The following NEDD4L variants were observed in gnomAD, a reference collection of about 807,000 sequenced individuals.
NEDD4L encodes E3 ubiquitin-protein ligase NEDD4-like.
Under a neutral mutation model 148.9 loss-of-function variants are expected in NEDD4L, and 54 were observed. The ratio of observed to expected loss-of-function variants is 0.36; its 90% CI spans 0.29 to 0.45. NEDD4L has a LOEUF of 0.45. Among genes scored for constraint, NEDD4L ranks in the 20% least tolerant of loss-of-function variants. The probability of loss-of-function intolerance (pLI) is 1.00; values close to 1 mark genes in which losing one functional copy is unlikely to be tolerated. For synonymous variants in NEDD4L, 433 were observed against 440.7 expected, an observed-to-expected ratio of 0.98 and a Z score of 0.22; for missense variants, 856 against 1,233.8, an observed-to-expected ratio of 0.69 and a Z score of 4.59.
At chr18:58,240,895 C>A (rs1405914317) in intron 2 of NEDD4L, among the ~76,000 whole-genome samples, 2 of 152,054 alleles carry the variant, frequency 1.3e-5, no homozygotes, top group Non-Finnish European at 2.9e-5. Context: ...CTGCAACCTC[C>A]CCCTCCTGGA....
At chr18:58,164,691 G>A (rs1052910760) in intron 1 of NEDD4L, among the ~76,000 whole-genome samples, 3 of 152,116 alleles carry the variant, frequency 2.0e-5, no homozygotes, top group Admixed American at 1.3e-4. Context: ...GGCTGGTCTC[G>A]AACTCCTGTC....
At chr18:58,150,469 G>A (rs1017019241) in intron 1 of NEDD4L, among the ~76,000 whole-genome samples, 11 of 152,164 alleles carry the variant, frequency 7.2e-5, no homozygotes, top group Admixed American at 1.3e-4. Flanking sequence ...CAGGTGATCC[G>A]CCTGCCTTGG....
At chr18:58,238,510 A>T (rs1411175876) in intron 2 of NEDD4L, among the ~76,000 whole-genome samples, 2 of 152,218 alleles carry the variant, frequency 1.3e-5, no homozygotes. Context: ...AGAGAGAATG[A>T]CTATTAACAT....
At chr18:58,250,259 C>T (rs913520873) in intron 4 of NEDD4L, among the ~76,000 whole-genome samples, 3 of 152,082 alleles carry the variant, frequency 2.0e-5, no homozygotes, top group African/African-American at 7.2e-5. Flanking sequence ...AAGTGATTCT[C>T]CTGCCTCAAC....
intron 11 of NEDD4L, among the ~76,000 whole-genome samples, chr18:58,333,072 G>GTC (rs1194751858): frequency 6.6e-6 from 1 of 151,840 alleles, no homozygotes; most frequent in Non-Finnish European, 1.5e-5. Flanking sequence ...AGGTCAGGAG[G>GTC]TCGAGACCAG....
chr18:58,351,831 A>C (rs2043929191), intron 18 of NEDD4L, among the ~76,000 whole-genome samples: 3 of 152,208 alleles, frequency 2.0e-5, no homozygotes, highest in Admixed American at 2.0e-4. Context: ...TGGTTCATGA[A>C]CAGAAAGTTA....
At chr18:58,381,275 C>T (rs1388292610) in intron 24 of NEDD4L, among the ~76,000 whole-genome samples, 1 of 152,218 alleles carries the variant, frequency 6.6e-6, no homozygotes, top group Non-Finnish European at 1.5e-5. Flanking sequence ...CAGTTCTCTG[C>T]ACTCAGCAAC....
chr18:58,350,161 T>G (rs1456808535), intron 17 of NEDD4L, among the ~76,000 whole-genome samples: 1 of 152,186 alleles, frequency 6.6e-6, no homozygotes, highest in Non-Finnish European at 1.5e-5. Flanking sequence ...CAACTCACTC[T>G]CAGTTTGAAA....
rs1027919366 is a variant in NEDD4L, at chr18:58,387,580, C to A, written c.2547+82C>A. The A allele has an allele frequency of 2.6e-5, 35 of 1,355,420 alleles. No individual in the cohort carries two copies. In the Admixed American group the frequency reaches 8.9e-4, roughly 34 times the overall value. 84.0% of individuals were successfully genotyped at this position (1,355,420 alleles called of 1,614,324 possible). On this transcript the variant is annotated intron_variant, in intron 27 of 30. Coordinates refer to ENST00000400345, the MANE Select transcript of NEDD4L (RefSeq NM_001144967.3). ...ACTTTACAAGTAATATTTTAATATTCTTGGATCCATAATGTCCTAGAGAGT... is the reference window on the plus strand; with the variant it reads ...ACTTTACAAGTAATATTTTAATATTATTGGATCCATAATGTCCTAGAGAGT...
At chr18:58,219,040 A>C (rs542203684) in intron 2 of NEDD4L, among the ~76,000 whole-genome samples, 1 of 152,306 alleles carries the variant, frequency 6.6e-6, no homozygotes, top group East Asian at 1.9e-4. Flanking sequence ...AATTGAACTA[A>C]GACTTCCAGC....
intron 1 of NEDD4L, among the ~76,000 whole-genome samples, chr18:58,048,087 G>A (rs746873241): frequency 2.0e-5 from 3 of 152,098 alleles, no homozygotes; most frequent in South Asian, 2.1e-4. Flanking sequence ...GTACAAACAC[G>A]GATAGTTGGC....
intron 1 of NEDD4L, among the ~76,000 whole-genome samples, chr18:58,153,936 C>T (rs547471032): frequency 1.6e-4 from 24 of 152,260 alleles, no homozygotes; most frequent in African/African-American, 4.3e-4. Context: ...CGTGAGTCAC[C>T]GCACCCGGCC....
intron 13 of NEDD4L, among the ~76,000 whole-genome samples, chr18:58,336,339 A>T (rs2041756147): frequency 6.6e-6 from 1 of 152,152 alleles, no homozygotes; most frequent in Non-Finnish European, 1.5e-5. Flanking sequence ...GCACCTTGGG[A>T]GGCTGAGGCA....
In NEDD4L at chr18:58,351,061, T is replaced by C; in HGVS notation, c.1708+16T>C. The C allele has an allele frequency of 1.3e-6, 2 of 1,578,574 alleles. No individual in the cohort carries two copies. The highest frequency in any genetic ancestry group is 1.7e-6 in the Non-Finnish European group (2 of 1,160,378). ...ATTGATCATAGTAAGTAGGCGCTGT[T>C]ATGGACACACAGGTGTTGTGGGTTA... On this transcript the variant is annotated intron_variant, in intron 18 of 30. Transcript: ENST00000400345.
chr18:58,337,709 C>T (rs756817522), intron 13 of NEDD4L, among the ~76,000 whole-genome samples: 15 of 152,046 alleles, frequency 9.9e-5, no homozygotes, highest in Non-Finnish European at 1.9e-4. Context: ...GTTAATTTCC[C>T]GACATTCAAG....
At chr18:58,322,871 G>T (rs1601226613) in intron 7 of NEDD4L, among the ~76,000 whole-genome samples, 1 of 108,768 alleles carries the variant, frequency 9.2e-6, no homozygotes, top group East Asian at 2.8e-4. Flanking sequence ...GGGGATGCCT[G>T]CCCTGCGTGC....
chr18:58,370,572 C>T (rs983007435), intron 23 of NEDD4L, 105 bp downstream of exon 23: 2 of 751,292 alleles, frequency 2.7e-6, no homozygotes, highest in Admixed American at 1.9e-5. Flanking sequence ...ATGGGTGTTG[C>T]ATTCCATGTG....
Position 58,230,410 on chromosome 18 carries a change from GCTT to G in NEDD4L, c.123-15010_123-15008del, listed in dbSNP as rs1477924677. On this transcript the variant is annotated intron_variant, in intron 2 of 30. Transcript: ENST00000400345. ...TTGCGGAAGTGAGGTTCACTGTGAA[GCTT>G]CTTCTTTTTTTTTTTTTAATCATTT... Among the ~76,000 whole-genome samples, 9 of 108,952 alleles carry G rather than the reference GCTT, an allele frequency of 8.3e-5. No individual in the cohort carries two copies. In the East Asian group the frequency reaches 1.4e-3, roughly 17 times the overall value. 71.5% of individuals were successfully genotyped at this position (108,952 alleles called of 152,430 possible). A position where few individuals can be genotyped will look rare whatever the true frequency, so the allele number is the denominator to read the frequency against.
intron 1 of NEDD4L, among the ~76,000 whole-genome samples, chr18:58,061,307 A>G (rs2082320782): frequency 6.6e-6 from 1 of 152,160 alleles, no homozygotes; most frequent in African/African-American, 2.4e-5. Flanking sequence ...TTTCAGATAA[A>G]AAACTGAGGC....
Sources: gnomAD v4.1 joint callset for allele counts (sites outside exome capture counted in the v4.1 genomes callset) on GRCh38, gnomAD v4.1.1 for gene constraint, MANE v1.5 for transcripts, NCBI Gene and HGNC (gene_info 2026-07-23, HGNC 2026-07-21) for gene names.